The following CDC14A variants were observed in gnomAD, a reference collection of about 807,000 sequenced individuals.
The protein encoded by CDC14A is cell division cycle 14A, also known as dual specificity protein phosphatase CDC14A.
In CDC14A, 53 loss-of-function variants were observed where a neutral mutation model predicts 74.4. That is an observed-to-expected ratio of 0.71 (90% CI 0.57 to 0.89). The LOEUF (loss-of-function observed/expected upper bound fraction) is 0.89. Ranked by LOEUF, CDC14A falls within the 40% of genes least tolerant of loss-of-function variation. CDC14A has a pLI of 0.00. For missense variants in CDC14A, 646 were observed against 713.7 expected, an observed-to-expected ratio of 0.91 and a Z score of 1.08; for synonymous variants, 247 against 258.4, an observed-to-expected ratio of 0.96 and a Z score of 0.43.
At chr1:100,475,455 T>G (rs1668794974) in intron 10 of CDC14A, among the ~76,000 whole-genome samples, 1 of 152,234 alleles carries the variant, frequency 6.6e-6, no homozygotes, top group Non-Finnish European at 1.5e-5. Context: ...AATGTTAACC[T>G]GGACATTTTC....
At chr1:100,447,643 G>T (rs1665707217) in intron 7 of CDC14A, among the ~76,000 whole-genome samples, 1 of 152,172 alleles carries the variant, frequency 6.6e-6, no homozygotes, top group African/African-American at 2.4e-5. Flanking sequence ...TTGTCCTAGG[G>T]AAAAATAATG....
intron 14 of CDC14A, 69 bp downstream of exon 14, chr1:100,498,276 T>C (rs1648167130): frequency 6.5e-7 from 1 of 1,548,492 alleles, no homozygotes; most frequent in Non-Finnish European, 8.8e-7. Context: ...GCGATGAGTT[T>C]AGCTGCAGTT....
chr1:100,348,931 A>C (rs1411187686), upstream of CDC14A, among the ~76,000 whole-genome samples: 1 of 152,208 alleles, frequency 6.6e-6, no homozygotes, highest in African/African-American at 2.4e-5. Context: ...GCAGTGGCTC[A>C]TATCTGTAAT....
At chr1:100,386,106 G>A (rs1290815989) in intron 3 of CDC14A, among the ~76,000 whole-genome samples, 1 of 151,944 alleles carries the variant, frequency 6.6e-6, no homozygotes, top group Non-Finnish European at 1.5e-5. Flanking sequence ...AGTGGAGGTT[G>A]CAGTGAGCCA....
In CDC14A at chr1:100,430,708, T is replaced by C. The variant is rs142132060; in HGVS notation, c.389+6407T>C. Among the ~76,000 whole-genome samples the C allele has an allele frequency of 3.9e-5, 6 of 152,360 alleles. No individual in the cohort carries two copies. The East Asian group carries it at 1.2e-3, about 29-fold the overall frequency. On this transcript the variant is annotated intron_variant, in intron 5 of 15. Coordinates refer to ENST00000336454, the MANE Select transcript of CDC14A (RefSeq NM_003672.4). Reference sequence around the variant, plus strand: ...CCTTACATAAAACATTGAACCAGATTTTTATTAGCTTAAATATGATATTGT... The same window carrying C: ...CCTTACATAAAACATTGAACCAGATCTTTATTAGCTTAAATATGATATTGT...
At chr1:100,456,945 C>G (rs963474143) in intron 8 of CDC14A, among the ~76,000 whole-genome samples, 4 of 152,126 alleles carry the variant, frequency 2.6e-5, no homozygotes, top group Non-Finnish European at 4.4e-5. Flanking sequence ...CAATAATTAA[C>G]CTCTGTCATT....
chr1:100,499,002 A>G lies in CDC14A; in HGVS notation c.1495A>G (p.Lys499Glu). ...NAATDDPENK[K>E]TSSSSKAGFT... ...TGCAACAGATGATCCAGAGAACAAAAAGACCTCCTCATCCTCTAAGGCAGG... is the reference window on the plus strand; with the variant it reads ...TGCAACAGATGATCCAGAGAACAAAGAGACCTCCTCATCCTCTAAGGCAGG... The change falls in exon 15 of 16, where the codon AAG becomes GAG. Residue 499 changes from lysine (K) to glutamate (E), a missense_variant. Lys to Glu is a moderately conservative substitution (Grantham distance 56). Transcript: ENST00000336454. 2 of 1,614,186 alleles carry G rather than the reference A, an allele frequency of 1.2e-6. No homozygotes were observed. Among genetic ancestry groups the G allele is most frequent in the Non-Finnish European group, 1.7e-6 (2 of 1,180,032 alleles).
At chr1:100,359,256 C>T (rs1169163181) in intron 2 of CDC14A, among the ~76,000 whole-genome samples, 1 of 152,212 alleles carries the variant, frequency 6.6e-6, no homozygotes, top group Non-Finnish European at 1.5e-5. Context: ...CAGAACAAGC[C>T]TAGGAGTTAG....
intron 9 of CDC14A, among the ~76,000 whole-genome samples, chr1:100,464,510 A>G (rs10493924): frequency 0.059 from 8,947 of 152,284 alleles, 897 homozygotes; most frequent in African/African-American, 0.2. Flanking sequence ...TTAAACAGCA[A>G]TAGAACTTGA....
intron 10 of CDC14A, among the ~76,000 whole-genome samples, chr1:100,468,759 A>G (rs1668094982): frequency 6.6e-6 from 1 of 152,224 alleles, no homozygotes; most frequent in Non-Finnish European, 1.5e-5. Context: ...TTCTTCTTAG[A>G]ATGTTAGAAT....
intron 13 of CDC14A, among the ~76,000 whole-genome samples, chr1:100,496,389 A>G (rs1169970422): frequency 6.6e-6 from 1 of 151,984 alleles, no homozygotes; most frequent in Non-Finnish European, 1.5e-5. Context: ...AATTGTTTTC[A>G]TTTTTATTGG....
rs768462861 is a variant in CDC14A, at chr1:100,462,820, C to T, written c.777C>T (p.Ile259=). ...FIDGSTPSDN[I]VRRFLNICEN... is the part of the protein sequence containing the mutation. ...ATGGCAGCACACCCAGTGACAACAT[C>T]GTGCGAAGGTTCCTGAACATCTGTG... The change falls in exon 9 of 16, where the codon ATC becomes ATT. Residue 259 remains isoleucine (I), a synonymous_variant. Coordinates refer to ENST00000336454, the MANE Select transcript of CDC14A (RefSeq NM_003672.4). 21 of 1,613,942 alleles carry T rather than the reference C, an allele frequency of 1.3e-5. No homozygotes were observed. In the East Asian group the frequency reaches 2.2e-4, roughly 17 times the overall value.
At position 100,498,225 on chromosome 1, in the gene CDC14A, C is replaced by T; in HGVS notation, c.1421+18C>T. On this transcript the variant is annotated intron_variant, in intron 14 of 15. Transcript: ENST00000336454. ...GTAAGAAGGTAATTTTTCTCTCCCT[C>T]TTCTAAGGTGCTGGTTTGAGGTAAA... The T allele has an allele frequency of 6.2e-7, 1 of 1,611,110 alleles. No individual in the cohort carries two copies. The highest frequency in any genetic ancestry group is 8.5e-7 in the Non-Finnish European group (1 of 1,178,666).
In CDC14A at chr1:100,461,435, C is replaced by T. The variant is rs572184338; in HGVS notation, c.608-1216C>T. Among the ~76,000 whole-genome samples, 7 of 152,256 alleles carry T rather than the reference C, an allele frequency of 4.6e-5. No homozygotes were observed. In the East Asian group the frequency reaches 7.7e-4, roughly 17 times the overall value. On this transcript the variant is annotated intron_variant, in intron 8 of 15. Transcript: ENST00000336454. ...CACAGCGTGGAAACAGTCTGGTTCA[C>T]TTTGCTGGCTGCCGCCACCCCTGGA...
chr1:100,349,945 G>A (rs547246423), upstream of CDC14A, among the ~76,000 whole-genome samples: 6 of 149,926 alleles, frequency 4.0e-5, no homozygotes, highest in African/African-American at 1.5e-4. Context: ...ACCACACCCG[G>A]CTAAGTTTTG....
Position 100,498,075 on chromosome 1 carries a change from C to T in CDC14A, c.1299-10C>T, listed in dbSNP as rs1300593555. The T allele has an allele frequency of 6.2e-7, 1 of 1,605,654 alleles. No homozygotes were observed. Among genetic ancestry groups the T allele is most frequent in the Non-Finnish European group, 8.5e-7 (1 of 1,177,434 alleles). ...TTTATTGTGACACTTTGCCATTTTT[C>T]TCCGCAAAGATTAAGTTCATCCCTG... On this transcript the variant is annotated splice_polypyrimidine_tract_variant and intron_variant, in intron 13 of 15. Coordinates refer to ENST00000336454, the MANE Select transcript of CDC14A (RefSeq NM_003672.4).
rs550051112 is a variant in CDC14A at position 100,430,926 on chromosome 1, T to C, written c.389+6625T>C. Among the ~76,000 whole-genome samples the C allele has an allele frequency of 7.2e-5, 11 of 152,354 alleles. No individual in the cohort carries two copies. In the South Asian group the frequency reaches 8.3e-4, roughly 11 times the overall value. ...GGGTCATTTCTGCCCCATGGATCTTTAGTAAACTTTTGCTTTTGGTGCTTG... is the reference window on the plus strand; with the variant it reads ...GGGTCATTTCTGCCCCATGGATCTTCAGTAAACTTTTGCTTTTGGTGCTTG... On this transcript the variant is annotated intron_variant, in intron 5 of 15. Transcript: ENST00000336454.
In CDC14A at chr1:100,493,892, A is replaced by T. The variant is rs1026662163; in HGVS notation, c.1138-926A>T. On this transcript the variant is annotated intron_variant, in intron 11 of 15. Transcript: ENST00000336454. Reference sequence around the variant, plus strand: ...CTCAAATGTGACTTGATGGAAGTACATTTTTCATCAAACAAGAGTTCTAGT... The same window carrying T: ...CTCAAATGTGACTTGATGGAAGTACTTTTTTCATCAAACAAGAGTTCTAGT... Among the ~76,000 whole-genome samples the T allele has an allele frequency of 4.6e-5, 7 of 152,284 alleles. No homozygotes were observed. In the East Asian group the frequency reaches 1.3e-3, roughly 29 times the overall value.
chr1:100,491,979 A>G (rs1216003236), intron 11 of CDC14A, among the ~76,000 whole-genome samples: 1 of 151,686 alleles, frequency 6.6e-6, no homozygotes, highest in Non-Finnish European at 1.5e-5. Context: ...CATCACAGAC[A>G]ATGCGGTGGC....
Sources: gnomAD v4.1 joint callset for allele counts (sites outside exome capture counted in the v4.1 genomes callset) on GRCh38, gnomAD v4.1.1 for gene constraint, MANE v1.5 for transcripts, NCBI Gene and HGNC (gene_info 2026-07-23, HGNC 2026-07-21) for gene names.